Variants in SLC19A1 observed in about 807,000 individuals in gnomAD.
The protein encoded by SLC19A1 is solute carrier family 19 member 1, also known as reduced folate transporter.
In SLC19A1, 37 loss-of-function variants were observed where a neutral mutation model predicts 35.3. The observed-to-expected ratio is 1.05, with a 90% confidence interval of 0.81 to 1.38. The LOEUF (loss-of-function observed/expected upper bound fraction) is 1.38. Ranked by LOEUF, SLC19A1 falls within the 40% of genes most tolerant of loss-of-function variation. The pLI, the probability that SLC19A1 is intolerant of heterozygous loss-of-function variation, is 0.00. For missense variants in SLC19A1, 831 were observed against 826.9 expected, an observed-to-expected ratio of 1.00 and a Z score of -0.06; for synonymous variants, 460 against 398.5, an observed-to-expected ratio of 1.15 and a Z score of -1.84.
chr21:45,533,380 G>A lies in SLC19A1; in HGVS notation c.190-1232C>T, dbSNP rs1229419651. ...AGGCAGGCACCAAACGTCCTCAGCT[G>A]TCTTGGCAGGGGCCAGGGCTGCTGT... is the stretch of plus-strand genomic sequence containing the variant. On this transcript the variant is annotated intron_variant, in intron 2 of 5. Coordinates refer to ENST00000311124, the MANE Select transcript of SLC19A1 (RefSeq NM_194255.4). The surrounding 1 kb of genome is among the most constrained non-coding windows in gnomAD (Gnocchi z 4.5). 6.6e-6 allele frequency among the ~76,000 whole-genome samples: 1 copy of A among 152,184 alleles called. No homozygotes were observed. The highest frequency in any genetic ancestry group is 1.5e-5 in the Non-Finnish European group (1 of 68,018).
downstream of SLC19A1, chr21:45,510,056 C>A: frequency 1.9e-6 from 3 of 1,552,226 alleles, no homozygotes; most frequent in Non-Finnish European, 2.6e-6. Flanking sequence ...GCGCCCCTCT[C>A]CCCGCAGCTC....
downstream of SLC19A1, chr21:45,510,105 G>A (rs373470254): frequency 6.3e-7 from 1 of 1,593,394 alleles, no homozygotes; most frequent in Non-Finnish European, 8.5e-7. Flanking sequence ...CAGGCGGCAT[G>A]CGGGGCATCC....
In SLC19A1 at chr21:45,531,858, C is replaced by T; in HGVS notation, c.480G>A (p.Val160=). The T allele has an allele frequency of 1.9e-6, 3 of 1,584,400 alleles. No individual in the cohort carries two copies. Among genetic ancestry groups the T allele is most frequent in the Non-Finnish European group, 2.6e-6 (3 of 1,166,132 alleles). The part of the protein sequence containing the change: ...QRVAGYSRAA[V]LLGVFTSSVL... Reference sequence around the variant, plus strand: ...CGGAGCTGGTGAACACGCCCAGCAGCACCGCAGCGCGCGAGTAGCCGGCCA... The same window carrying T: ...CGGAGCTGGTGAACACGCCCAGCAGTACCGCAGCGCGCGAGTAGCCGGCCA... Residue 160 remains valine (V), a synonymous_variant, in exon 3 of 6, where the codon GTG becomes GTA. Transcript: ENST00000311124.
At position 45,534,477 on chromosome 21, in the gene SLC19A1, C is replaced by G. The variant is rs1178787544; in HGVS notation, c.190-2329G>C. 7.7e-7 allele frequency: 1 copy of G among 1,296,326 alleles called. No individual in the cohort carries two copies. The highest frequency in any genetic ancestry group is 1.1e-6 in the Non-Finnish European group (1 of 930,850). The allele number at this position is 1,296,326 out of a possible 1,614,324, so 80.3% of individuals were successfully genotyped here. On this transcript the variant is annotated intron_variant, in intron 2 of 5. Coordinates refer to ENST00000311124, the MANE Select transcript of SLC19A1 (RefSeq NM_194255.4). The surrounding 1 kb of genome is among the most constrained non-coding windows in gnomAD (Gnocchi z 4.2). ...ATGGTAGACAGCCAGCAGAGAGGCT[C>G]TCCCCAGACCCCACGGCTCTCTGGA...
chr21:45,537,719 T>TTGGGGGGGGGG, intron 2 of SLC19A1, 52 bp downstream of exon 2: 1 of 319,776 alleles, frequency 3.1e-6, no homozygotes, highest in Non-Finnish European at 5.6e-6. Flanking sequence ...CAGACGCTGC[T>TTGGGGGGGGGG]CCCCGCCCAC....
Position 45,530,143 on chromosome 21 carries a change from G to A in SLC19A1, c.1151+627C>T, listed in dbSNP as rs1294325709. On this transcript the variant is annotated intron_variant, in intron 4 of 5. Transcript: ENST00000311124. The surrounding 1 kb of genome is among the most constrained non-coding windows in gnomAD (Gnocchi z 5.3). The stretch of plus-strand genomic sequence containing the variant: ...GAGCGTGTGGTGTGTTCATGTGAGT[G>A]TGCATTGTGTGTCCGTGTGTGTGTG... Among the ~76,000 whole-genome samples the A allele has an allele frequency of 2.0e-5, 3 of 150,274 alleles. No homozygotes were observed. Among genetic ancestry groups the A allele is most frequent in the Non-Finnish European group, 4.4e-5 (3 of 67,456 alleles).
intron 1 of SLC19A1, among the ~76,000 whole-genome samples, chr21:45,556,008 C>T (rs1247494882): frequency 3.3e-5 from 5 of 152,190 alleles, no homozygotes; most frequent in Non-Finnish European, 7.4e-5. Flanking sequence ...TCCAGGAAGA[C>T]CCCCGCCCTA....
chr21:45,532,029 G>C lies in SLC19A1; in HGVS notation c.309C>G (p.Phe103Leu), dbSNP rs765533133. The C allele has an allele frequency of 5.0e-6, 8 of 1,611,880 alleles. No individual in the cohort carries two copies. The Admixed American group carries it at 1.0e-4, about 20-fold the overall frequency. Reference sequence around the variant, plus strand: ...GCAGCAGCAGCAGCCACACCGACACGAAGCTGAGCCCCTGCAGCAGCAGCA... The same window carrying C: ...GCAGCAGCAGCAGCCACACCGACACCAAGCTGAGCCCCTGCAGCAGCAGCA... ...TPVLLLQGLS[F>L]VSVWLLLLLG... The change falls in exon 3 of 6, where the codon TTC becomes TTG. Residue 103 changes from phenylalanine to leucine, a missense_variant. By Grantham distance (22) the Phe-to-Leu change is conservative. Transcript: ENST00000311124.
In SLC19A1 at chr21:45,530,097, CTG is replaced by C. The variant is rs931133318; in HGVS notation, c.1151+671_1151+672del. The stretch of plus-strand genomic sequence containing the variant: ...TGGTGTGTGTTCGTGTGTGGTGTGT[CTG>C]TGTGGTGTATCCATCTGTGAGCGTG... On this transcript the variant is annotated intron_variant, in intron 4 of 5. Coordinates refer to ENST00000311124, the MANE Select transcript of SLC19A1 (RefSeq NM_194255.4). This position sits in a 1 kb window ranked among gnomAD's most constrained non-coding sequence, Gnocchi z 5.3. Among the ~76,000 whole-genome samples the C allele has an allele frequency of 3.0e-5, 4 of 134,192 alleles. No homozygotes were observed. Among genetic ancestry groups the C allele is most frequent in the African/African-American group, 8.5e-5 (3 of 35,126 alleles). 88.0% of individuals were successfully genotyped at this position (134,192 alleles called of 152,430 possible).
downstream of SLC19A1, chr21:45,511,207 G>A (rs202104330): frequency 1.3e-4 from 202 of 1,585,802 alleles, no homozygotes; most frequent in South Asian, 1.7e-4. Context: ...CGGCAAGGAC[G>A]TCCTGAGGCA....
At chr21:45,521,237 C>T (rs1371677188) in intron 5 of SLC19A1, among the ~76,000 whole-genome samples, 2 of 152,164 alleles carry the variant, frequency 1.3e-5, no homozygotes, top group African/African-American at 2.4e-5. Context: ...TGATATTTTG[C>T]TATGGCAGCC....
At position 45,532,020 on chromosome 21, in the gene SLC19A1, C is replaced by A. The variant is rs538661348; in HGVS notation, c.318G>T (p.Val106=). 6.2e-7 allele frequency: 1 copy of A among 1,611,590 alleles called. No homozygotes were observed. Among genetic ancestry groups the A allele is most frequent in the East Asian group, 2.2e-5 (1 of 44,878 alleles). Residue 106 remains valine, a synonymous_variant, in exon 3 of 6, where the codon GTG becomes GTT. Transcript: ENST00000311124. Reference sequence around the variant, plus strand: ...AGTGGCCCAGCAGCAGCAGCAGCCACACCGACACGAAGCTGAGCCCCTGCA... The same window carrying A: ...AGTGGCCCAGCAGCAGCAGCAGCCAAACCGACACGAAGCTGAGCCCCTGCA... ...LLLQGLSFVS[V]WLLLLLGHSV... is the part of the protein sequence containing the mutation.
At chr21:45,510,233 G>A (rs201006742), downstream of SLC19A1, 1,133 of 1,606,156 alleles carry the variant, frequency 7.1e-4, 1 homozygote, top group African/African-American at 5.7e-3. Flanking sequence ...CGTGCCGACC[G>A]CGCAGCCGTG....
rs2078257621 is a variant in SLC19A1, at chr21:45,540,129, G to A, written c.-49-2121C>T. Among the ~76,000 whole-genome samples the A allele has an allele frequency of 6.6e-6, 1 of 152,128 alleles. No individual in the cohort carries two copies. Among genetic ancestry groups the A allele is most frequent in the South Asian group, 2.1e-4 (1 of 4,830 alleles). The stretch of plus-strand genomic sequence containing the variant: ...CACAAAGGTTGGGCTCCATCACCAG[G>A]GACCCTGATGCCCAGAGAGGCCACG... On this transcript the variant is annotated intron_variant, in intron 1 of 5. Transcript: ENST00000311124. This position sits in a 1 kb window ranked among gnomAD's most constrained non-coding sequence, Gnocchi z 5.5.
chr21:45,550,988 C>T (rs1231619943), intron 1 of SLC19A1, among the ~76,000 whole-genome samples: 2 of 149,166 alleles, frequency 1.3e-5, no homozygotes, highest in Non-Finnish European at 3.0e-5. Flanking sequence ...CCTCCATTCT[C>T]CTCCCCACAA....
Position 45,515,461 on chromosome 21 carries a change from TG to T in SLC19A1, c.*196del. On this transcript the variant is annotated 3_prime_UTR_variant, in exon 6 of 6. Coordinates refer to ENST00000311124, the MANE Select transcript of SLC19A1 (RefSeq NM_194255.4). The stretch of plus-strand genomic sequence containing the variant: ...CGCGGGGCACAGTGCAGGGACAGCA[TG>T]GCCAGGCAGCTGCCCTGAGTGTCGC... The T allele has an allele frequency of 6.7e-7, 1 of 1,484,160 alleles. No individual in the cohort carries two copies. Among genetic ancestry groups the T allele is most frequent in the Non-Finnish European group, 8.9e-7 (1 of 1,129,046 alleles). 91.9% of individuals were successfully genotyped at this position (1,484,160 alleles called of 1,614,324 possible).
In SLC19A1 at chr21:45,553,068, G is replaced by A. The variant is rs372618017; in HGVS notation, c.-50+9674C>T. 5.2e-3 allele frequency among the ~76,000 whole-genome samples: 797 copies of A among 152,218 alleles called. 9 individuals are homozygous for A. Among genetic ancestry groups the A allele is most frequent in the African/African-American group, 0.018 (737 of 41,542 alleles). On this transcript the variant is annotated intron_variant, in intron 1 of 5. Transcript: ENST00000650808. The stretch of plus-strand genomic sequence containing the variant: ...CCACTAAAACAAGACTCCACCGGGC[G>A]GCAGGTGGCCAGGCTCAGGGCTGGG...
chr21:45,511,134 G>C, downstream of SLC19A1: 1 of 1,589,252 alleles, frequency 6.3e-7, no homozygotes, highest in Non-Finnish European at 8.6e-7. Flanking sequence ...TTCCCAGCTG[G>C]GAGGCTCTGT....
chr21:45,512,386 T>G (rs1308870407), downstream of SLC19A1: 1 of 1,612,522 alleles, frequency 6.2e-7, no homozygotes, highest in South Asian at 1.1e-5. Flanking sequence ...GCTTCATGAC[T>G]GCCTCCAAGT....
Sources: allele counts gnomAD v4.1 joint callset (sites outside exome capture counted in the v4.1 genomes callset), GRCh38; gene constraint gnomAD v4.1.1; non-coding constraint Gnocchi (gnomAD v3.1); transcripts MANE v1.5; gene names NCBI Gene and HGNC (gene_info 2026-07-23, HGNC 2026-07-21).